RXYLT1: variants seen among roughly 807,000 people sequenced by gnomAD.
RXYLT1 encodes the protein ribitol-5-phosphate xylosyltransferase 1.
Under a neutral mutation model 43.5 loss-of-function variants are expected in RXYLT1, and 41 were observed. The ratio of observed to expected loss-of-function variants is 0.94; its 90% CI spans 0.73 to 1.22. The LOEUF is 1.22. RXYLT1 is among the 50% of genes most tolerant of loss of function. The pLI is 0.00. For synonymous variants in RXYLT1, 166 were observed against 194.4 expected, an observed-to-expected ratio of 0.85 and a Z score of 1.21; for missense variants, 514 against 532.0, an observed-to-expected ratio of 0.97 and a Z score of 0.33.
intron 5 of RXYLT1, chr12:63,807,550 G>A (rs1360554908): frequency 1.3e-5 from 2 of 152,048 alleles, no homozygotes; most frequent in African/African-American, 4.8e-5. Context: ...AGAATAGTCA[G>A]GAGAAAGCAT....
At chr12:63,785,276 T>C (rs1897775597) in intron 3 of RXYLT1, 1 of 282,296 alleles carries the variant, frequency 3.5e-6, no homozygotes. Flanking sequence ...TATTACAGAA[T>C]ACTCCTTTTT....
At chr12:63,787,713 C>T (rs998602688) in intron 3 of RXYLT1, among the ~76,000 whole-genome samples, 3 of 152,026 alleles carry the variant, frequency 2.0e-5, no homozygotes, top group South Asian at 2.1e-4. Flanking sequence ...CTGCAACTTG[C>T]GCCCCTGGGT....
At chr12:63,783,132 C>G (rs146944002) in intron 2 of RXYLT1, among the ~76,000 whole-genome samples, 10 of 152,156 alleles carry the variant, frequency 6.6e-5, no homozygotes, top group African/African-American at 2.2e-4. Context: ...ATAACACATT[C>G]CTGATTTTCT....
At chr12:63,785,320 A>G (rs1192237696) in intron 3 of RXYLT1, 9 of 200,562 alleles carry the variant, frequency 4.5e-5, no homozygotes, top group East Asian at 1.0e-4. Context: ...TTACCTAATT[A>G]TATAGAAAAG....
At chr12:63,805,667 A>T (rs950166380) in intron 5 of RXYLT1, 1 of 300,042 alleles carries the variant, frequency 3.3e-6, no homozygotes, top group African/African-American at 2.2e-5. Context: ...TTTCCTCAAT[A>T]ATATTTGTTA....
chr12:63,786,808 C>A (rs536264680), intron 3 of RXYLT1, among the ~76,000 whole-genome samples: 2 of 152,310 alleles, frequency 1.3e-5, no homozygotes, highest in South Asian at 4.1e-4. Context: ...CATAGAACTT[C>A]TTTCAAAATT....
intron 3 of RXYLT1, among the ~76,000 whole-genome samples, chr12:63,786,894 A>T (rs928071590): frequency 1.6e-4 from 25 of 152,160 alleles, no homozygotes; most frequent in African/African-American, 5.8e-4. Flanking sequence ...TAGCTGGATC[A>T]CTTGAGGTCA....
chr12:63,780,397 A>G (rs768323641), intron 1 of RXYLT1: 63 of 1,257,994 alleles, frequency 5.0e-5, no homozygotes, highest in Non-Finnish European at 5.9e-5. Flanking sequence ...GTTAAAATCC[A>G]AGACGTCGTC....
At chr12:63,800,589 G>A (rs1565905213) in intron 3 of RXYLT1, among the ~76,000 whole-genome samples, 1 of 152,088 alleles carries the variant, frequency 6.6e-6, no homozygotes, top group Non-Finnish European at 1.5e-5. Flanking sequence ...TATGATACAT[G>A]TCTATTCCTT....
At chr12:63,790,220 G>A (rs1897892499) in intron 3 of RXYLT1, 1 of 152,190 alleles carries the variant, frequency 6.6e-6, no homozygotes, top group Admixed American at 6.5e-5. Flanking sequence ...TTTCCATACA[G>A]GCAGGCTACA....
intron 3 of RXYLT1, among the ~76,000 whole-genome samples, chr12:63,796,006 T>A (rs1468143532): frequency 2.0e-5 from 3 of 152,224 alleles, no homozygotes; most frequent in Non-Finnish European, 4.4e-5. Context: ...AAAATAACAT[T>A]GATACAAAAC....
rs573902851 is a variant in RXYLT1 at position 63,793,481 on chromosome 12, AG to A, written c.428+8410del. ...CTCATAATTATGAAAAAAAGAGTGA[AG>A]TGCTGCAATAAAAGCATACCTGATG... is the stretch of plus-strand genomic sequence containing the variant. On this transcript the variant is annotated intron_variant, in intron 3 of 5. Transcript: ENST00000261234. Among the ~76,000 whole-genome samples, 12 of 152,306 alleles carry A rather than the reference AG, an allele frequency of 7.9e-5. No homozygotes were observed. In the South Asian group the frequency reaches 2.5e-3, roughly 32 times the overall value.
intron 2 of RXYLT1, among the ~76,000 whole-genome samples, chr12:63,782,374 G>A (rs1213834683): frequency 6.6e-6 from 1 of 152,198 alleles, no homozygotes; most frequent in Non-Finnish European, 1.5e-5. Context: ...AGGTTGTACA[G>A]CTTTGCCCTC....
chr12:63,788,063 G>C (rs1206962396), intron 3 of RXYLT1, among the ~76,000 whole-genome samples: 1 of 152,200 alleles, frequency 6.6e-6, no homozygotes, highest in Non-Finnish European at 1.5e-5. Flanking sequence ...TGGGTGACCA[G>C]GTGCATTGTC....
chr12:63,797,211 G>C (rs994654143), intron 3 of RXYLT1, among the ~76,000 whole-genome samples: 1 of 152,036 alleles, frequency 6.6e-6, no homozygotes, highest in African/African-American at 2.4e-5. Context: ...TGATCCACCT[G>C]CCTCAGCCTC....
rs777596548 is a variant in RXYLT1 at position 63,808,757 on chromosome 12, G to A, written c.997G>A (p.Gly333Arg). 20 of 1,612,418 alleles carry A rather than the reference G, an allele frequency of 1.2e-5. No individual in the cohort carries two copies. The African/African-American group carries it at 1.5e-4, about 12-fold the overall frequency. ...GAGTGATCTCACATTGTGCCCGGTC[G>A]GAGTAAACACAGAATGCTATCGAAT... ...LQSDLTLCPV[G>R]VNTECYRIYE... The change falls in exon 6 of 6, where the codon GGA becomes AGA. Residue 333 changes from glycine (G) to arginine (R), a missense_variant. By Grantham distance (125) the Gly-to-Arg change is moderately radical (BLOSUM62 -2). Transcript: ENST00000261234.
At chr12:63,804,416 G>A (rs927300239) in intron 4 of RXYLT1, 4 of 152,208 alleles carry the variant, frequency 2.6e-5, no homozygotes, top group African/African-American at 9.6e-5. Flanking sequence ...ATAAAAATAG[G>A]TAACTTTTCC....
intron 3 of RXYLT1, chr12:63,790,174 A>T (rs1897892058): frequency 6.6e-6 from 1 of 152,208 alleles, no homozygotes; most frequent in Non-Finnish European, 1.5e-5. Context: ...GCTGTCAGTC[A>T]GGCCATGTGT....
At chr12:63,786,960 A>G (rs2136223038) in intron 3 of RXYLT1, among the ~76,000 whole-genome samples, 1 of 152,288 alleles carries the variant, frequency 6.6e-6, no homozygotes, top group South Asian at 2.1e-4. Flanking sequence ...CTAAAGATAC[A>G]AAAATTGGCT....
Sources: allele counts gnomAD v4.1 joint callset (sites outside exome capture counted in the v4.1 genomes callset), GRCh38; gene constraint gnomAD v4.1.1; transcripts MANE v1.5; gene names NCBI Gene and HGNC (gene_info 2026-07-23, HGNC 2026-07-21).